The following YEATS2 variants were observed in gnomAD, a reference collection of about 807,000 sequenced individuals.
YEATS2 encodes the protein YEATS domain-containing protein 2.
In YEATS2, 77 loss-of-function variants were observed where a neutral mutation model predicts 163.2. The observed-to-expected ratio is 0.47, with a 90% CI of 0.39 to 0.57. The LOEUF is 0.57. Among genes scored for constraint, YEATS2 ranks in the 20% least tolerant of loss-of-function variants. The pLI is 0.00. For synonymous variants in YEATS2, 631 were observed against 645.1 expected (o/e 0.98, Z 0.33); for missense variants, 1,549 against 1,729.8 (o/e 0.90, Z 1.85).
chr3:183,719,078 T>G (rs1179757264), intron 4 of YEATS2, among the ~76,000 whole-genome samples: 2 of 152,116 alleles, frequency 1.3e-5, no homozygotes, highest in African/African-American at 4.8e-5. Flanking sequence ...CATAGACTTA[T>G]CAGTCATTGT....
chr3:183,748,863 C>T (rs1375380352), intron 9 of YEATS2, among the ~76,000 whole-genome samples: 1 of 152,096 alleles, frequency 6.6e-6, no homozygotes, highest in African/African-American at 2.4e-5. Context: ...CATCCAAAAG[C>T]ACTGGGATTA....
chr3:183,741,768 G>A (rs949567634), intron 8 of YEATS2, among the ~76,000 whole-genome samples: 4 of 151,900 alleles, frequency 2.6e-5, no homozygotes, highest in Non-Finnish European at 4.4e-5. Flanking sequence ...GTGACAGAGC[G>A]AGACTCCATC....
intron 15 of YEATS2, among the ~76,000 whole-genome samples, chr3:183,767,285 G>C (rs1381001250): frequency 6.6e-6 from 1 of 151,988 alleles, no homozygotes; most frequent in Non-Finnish European, 1.5e-5. Context: ...GAGTGCAGTG[G>C]TGCAGTCTTG....
intron 8 of YEATS2, among the ~76,000 whole-genome samples, chr3:183,743,654 A>G (rs951680941): frequency 6.6e-6 from 1 of 151,734 alleles, no homozygotes. Flanking sequence ...CCCATATTCA[A>G]TTTTTATAAT....
At chr3:183,725,929 T>C (rs1254344643) in intron 6 of YEATS2, among the ~76,000 whole-genome samples, 1 of 152,222 alleles carries the variant, frequency 6.6e-6, no homozygotes, top group Non-Finnish European at 1.5e-5. Flanking sequence ...GGTCTTTTTC[T>C]GGGACTCTAA....
intron 20 of YEATS2, among the ~76,000 whole-genome samples, chr3:183,787,213 A>G (rs368463724): frequency 1.3e-5 from 2 of 152,124 alleles, no homozygotes; most frequent in Non-Finnish European, 2.9e-5. Flanking sequence ...TCATCTCCCA[A>G]AGTGCTGGGA....
At chr3:183,751,174 T>C (rs1720124205) in intron 9 of YEATS2, among the ~76,000 whole-genome samples, 1 of 152,234 alleles carries the variant, frequency 6.6e-6, no homozygotes, top group Non-Finnish European at 1.5e-5. Flanking sequence ...GATATCCAGT[T>C]TCCCTGGCAC....
chr3:183,800,406 G>A, intron 23 of YEATS2, 60 bp from the exon 24 acceptor site: 2 of 1,243,418 alleles, frequency 1.6e-6, no homozygotes, highest in East Asian at 2.3e-5. Flanking sequence ...GTTTGTGCCT[G>A]CACGTGTCCT....
chr3:183,776,264 C>A lies in YEATS2; in HGVS notation c.2577+141C>A. The A allele has an allele frequency of 4.3e-6, 4 of 926,544 alleles. No individual in the cohort carries two copies. In the South Asian group the frequency reaches 8.7e-5, roughly 20 times the overall value. 57.4% of individuals were successfully genotyped at this position (926,544 alleles called of 1,614,324 possible). On this transcript the variant is annotated intron_variant, in intron 18 of 30. Transcript: ENST00000305135. Reference sequence around the variant, plus strand: ...CGTGTTATCTATATCTATATCTTGGCCGGGTGTGGTAACTCATGCCTGTAA... The same window carrying A: ...CGTGTTATCTATATCTATATCTTGGACGGGTGTGGTAACTCATGCCTGTAA...
chr3:183,790,883 C>G lies in YEATS2; in HGVS notation c.3000C>G (p.Ala1000=). ...AGCAGCAAGTGTGTGTGAGCCAGGC[C>G]ACCGTGGGAACCTGCAAGGCTGCCA... The part of the protein sequence containing the change: ...SGQQQVCVSQ[A]TVGTCKAATP... The change falls in exon 21 of 31, where the codon GCC becomes GCG. Residue 1000 remains alanine, a synonymous_variant. Transcript: ENST00000305135. 2 of 1,614,144 alleles carry G rather than the reference C, an allele frequency of 1.2e-6. No homozygotes were observed. The highest frequency in any genetic ancestry group is 3.3e-5 in the Admixed American group (2 of 60,012).
intron 9 of YEATS2, among the ~76,000 whole-genome samples, chr3:183,749,775 C>T (rs949586997): frequency 2.6e-5 from 4 of 151,960 alleles, no homozygotes; most frequent in Non-Finnish European, 4.4e-5. Context: ...GGACTGTGGG[C>T]GTGTGCCACC....
intron 1 of YEATS2, among the ~76,000 whole-genome samples, chr3:183,700,433 C>T (rs9810141): frequency 0.011 from 1,627 of 152,090 alleles, 26 homozygotes; most frequent in African/African-American, 0.037. Context: ...TTTGAATGTT[C>T]ATTGCCACGT....
chr3:183,720,737 G>A (rs1369015000), intron 4 of YEATS2, among the ~76,000 whole-genome samples: 1 of 152,078 alleles, frequency 6.6e-6, no homozygotes. Flanking sequence ...GTAAAAGGAC[G>A]GGTTTATTAT....
chr3:183,715,386 A>T, intron 2 of YEATS2, 124 bp downstream of exon 2: 1 of 678,842 alleles, frequency 1.5e-6, no homozygotes, highest in South Asian at 2.0e-5. Flanking sequence ...CGTGAGAGAG[A>T]TTAGCTAAGG....
chr3:183,803,202 G>A, intron 25 of YEATS2, 54 bp from the exon 26 acceptor site: 1 of 1,578,982 alleles, frequency 6.3e-7, no homozygotes, highest in Non-Finnish European at 8.6e-7. Context: ...CAAATGACGT[G>A]TGGTTGGAAT....
In YEATS2 at chr3:183,760,313, ATTTTTTT is replaced by A. The variant is rs11417378; in HGVS notation, c.1657-1175_1657-1169del. Reference sequence around the variant, plus strand: ...TTGAGAATTAAAGAGAAACTACAGAATTTTTTTTTTTTTTTTTTTTTTTTTGAGACAG... The same window carrying A: ...TTGAGAATTAAAGAGAAACTACAGAATTTTTTTTTTTTTTTTTTGAGACAG... On this transcript the variant is annotated intron_variant, in intron 13 of 30. Transcript: ENST00000305135. Among the ~76,000 whole-genome samples the A allele has an allele frequency of 6.6e-4, 73 of 110,308 alleles. 1 individual carries two copies. The highest frequency in any genetic ancestry group is 3.6e-3 in the Admixed American group (34 of 9,420). The allele number at this position is 110,308 out of a possible 152,430, so 72.4% of individuals were successfully genotyped here. A position where few individuals can be genotyped will look rare whatever the true frequency, so the allele number is the denominator to read the frequency against.
intron 7 of YEATS2, among the ~76,000 whole-genome samples, chr3:183,733,770 C>T (rs1364227901): frequency 6.6e-6 from 1 of 152,164 alleles, no homozygotes. Flanking sequence ...CTTGTTGAAG[C>T]ACTTTCTTCC....
At chr3:183,797,847 T>C (rs1017383135) in intron 21 of YEATS2, 76 bp from the exon 22 acceptor site, 7 of 1,566,502 alleles carry the variant, frequency 4.5e-6, no homozygotes, top group East Asian at 2.3e-5. Context: ...TGACAAAATA[T>C]GGGTAGCACA....
chr3:183,761,176 C>T (rs1055741125), intron 13 of YEATS2, among the ~76,000 whole-genome samples: 39 of 152,036 alleles, frequency 2.6e-4, no homozygotes, highest in Admixed American at 2.2e-3. Context: ...CAACCTCTGC[C>T]TCCCTGGTTC....
Sources: allele counts gnomAD v4.1 joint callset (sites outside exome capture counted in the v4.1 genomes callset), GRCh38; gene constraint gnomAD v4.1.1; transcripts MANE v1.5; gene names NCBI Gene and HGNC (gene_info 2026-07-23, HGNC 2026-07-21).